Variants in HEMK2 observed in about 807,000 individuals in gnomAD.
HEMK2 encodes the protein HemK methyltransferase 2, ETF1 glutamine and histone H4 lysine.
the HEMK2 span, among the ~76,000 whole-genome samples, chr21:28,756,649 T>C: frequency 2.4e-4 from 37 of 152,288 alleles, no homozygotes; most frequent in African/African-American, 8.9e-4. Flanking sequence ...AGCTAGTAAG[T>C]GAAAGAACAG....
chr21:28,718,429 A>G, the HEMK2 span, among the ~76,000 whole-genome samples: 1 of 152,220 alleles, frequency 6.6e-6, no homozygotes, highest in Non-Finnish European at 1.5e-5. Flanking sequence ...GTAGAAGTCT[A>G]TTAGGTCTAA....
chr21:28,790,977 TATA>T, the HEMK2 span, among the ~76,000 whole-genome samples: 5 of 151,758 alleles, frequency 3.3e-5, no homozygotes, highest in Admixed American at 6.6e-5. Flanking sequence ...AAACTTAAAG[TATA>T]ATAATAAAAA....
the HEMK2 span, among the ~76,000 whole-genome samples, chr21:28,766,127 G>A: frequency 2.0e-5 from 3 of 151,974 alleles, no homozygotes; most frequent in African/African-American, 7.3e-5. Flanking sequence ...ACACAGGGAG[G>A]TGAACATCAC....
At chr21:28,868,589 T>C in the HEMK2 span, among the ~76,000 whole-genome samples, 1 of 152,082 alleles carries the variant, frequency 6.6e-6, no homozygotes, top group South Asian at 2.1e-4. Context: ...GAGGCTGAGG[T>C]GAGAGGATTG....
chr21:28,694,786 T>C, the HEMK2 span, among the ~76,000 whole-genome samples: 1 of 152,012 alleles, frequency 6.6e-6, no homozygotes, highest in Non-Finnish European at 1.5e-5. Context: ...GGTCAGGAGA[T>C]TGGAGATCAA....
At chr21:28,877,034 AGGAGGGAGGGAGGGAGGGAG>A in the HEMK2 span, among the ~76,000 whole-genome samples, 1 of 21,800 alleles carries the variant, frequency 4.6e-5, no homozygotes, top group Non-Finnish European at 8.5e-5. Context: ...GAAGGAAGGA[AGGAGGGAGGGAGGGAGGGAG>A]GGAGGGAAGG....
the HEMK2 span, among the ~76,000 whole-genome samples, chr21:28,864,172 C>G: frequency 6.6e-6 from 1 of 152,146 alleles, no homozygotes; most frequent in Non-Finnish European, 1.5e-5. Flanking sequence ...AGAATCCTCC[C>G]CTTGGCTGGA....
chr21:28,629,011 C>G, the HEMK2 span, among the ~76,000 whole-genome samples: 4 of 152,292 alleles, frequency 2.6e-5, no homozygotes, highest in South Asian at 8.3e-4. Flanking sequence ...GCTCGCACCC[C>G]CAACAGACCA....
chr21:28,819,426 A>T, the HEMK2 span, among the ~76,000 whole-genome samples: 2 of 152,050 alleles, frequency 1.3e-5, no homozygotes, highest in Non-Finnish European at 2.9e-5. Context: ...TAACCAAAAA[A>T]TTCGATTAAC....
At chr21:28,603,549 A>ATATGTG in the HEMK2 span, among the ~76,000 whole-genome samples, 2 of 135,822 alleles carry the variant, frequency 1.5e-5, no homozygotes, top group African/African-American at 2.8e-5. Context: ...GAGGATATAT[A>ATATGTG]TGTGTGTGTG....
the HEMK2 span, among the ~76,000 whole-genome samples, chr21:28,763,906 T>C: frequency 3.0e-4 from 42 of 138,762 alleles, no homozygotes; most frequent in African/African-American, 1.1e-3. Flanking sequence ...AGGGAGTTAA[T>C]GTATCCCTAG....
At chr21:28,575,985 T>C in the HEMK2 span, among the ~76,000 whole-genome samples, 1 of 152,230 alleles carries the variant, frequency 6.6e-6, no homozygotes, top group Non-Finnish European at 1.5e-5. Flanking sequence ...GTTTAATTAT[T>C]CACCAGTTGA....
At chr21:28,585,090 G>A in the HEMK2 span, among the ~76,000 whole-genome samples, 1 of 152,100 alleles carries the variant, frequency 6.6e-6, no homozygotes, top group African/African-American at 2.4e-5. Context: ...CCAGCACTTG[G>A]GGAGGCTAAG....
chr21:28,881,084 T>C, the HEMK2 span, among the ~76,000 whole-genome samples: 1 of 152,202 alleles, frequency 6.6e-6, no homozygotes, highest in Non-Finnish European at 1.5e-5. Context: ...TTGACATATA[T>C]AAATTAAAAA....
At chr21:28,737,270 G>C in the HEMK2 span, among the ~76,000 whole-genome samples, 2,242 of 152,242 alleles carry the variant, frequency 0.015, 54 homozygotes, top group African/African-American at 0.051. Context: ...GACTACAAGT[G>C]TGAACCACCC....
chr21:28,855,486 G>T, the HEMK2 span, among the ~76,000 whole-genome samples: 1 of 152,130 alleles, frequency 6.6e-6, no homozygotes, highest in African/African-American at 2.4e-5. Context: ...TTAATTATAA[G>T]TGTTGGGACC....
the HEMK2 span, among the ~76,000 whole-genome samples, chr21:28,741,763 T>C: frequency 1.1e-4 from 17 of 152,248 alleles, no homozygotes; most frequent in Non-Finnish European, 2.2e-4. Context: ...TAGTATTCCA[T>C]GGTGTATATG....
chr21:28,753,697 T>C, the HEMK2 span, among the ~76,000 whole-genome samples: 4,405 of 152,336 alleles, frequency 0.029, 79 homozygotes, highest in African/African-American at 0.041. Context: ...TACAGTAATG[T>C]GAAAAGAAAC....
the HEMK2 span, among the ~76,000 whole-genome samples, chr21:28,779,330 T>C: frequency 6.6e-6 from 1 of 152,154 alleles, no homozygotes; most frequent in East Asian, 1.9e-4. Context: ...CAGATGAATG[T>C]GGAGGATATC....
Sources: allele counts gnomAD v4.1 joint callset (sites outside exome capture counted in the v4.1 genomes callset), GRCh38; gene constraint gnomAD v4.1.1; transcripts MANE v1.5; gene names NCBI Gene and HGNC (gene_info 2026-07-23, HGNC 2026-07-21).